The following RAPGEF5 variants were observed in gnomAD, a reference collection of about 807,000 sequenced individuals.
RAPGEF5 encodes the protein M-Ras-regulated GEF.
RAPGEF5 carries 65 observed loss-of-function variants against 125.2 expected under a neutral mutation model. The ratio of observed to expected loss-of-function variants is 0.52; its 90% CI spans 0.43 to 0.64. RAPGEF5 has a LOEUF of 0.64. Among genes scored for constraint, RAPGEF5 ranks in the 30% least tolerant of loss-of-function variants. The pLI is 0.00. For missense variants in RAPGEF5, 958 were observed against 1,048.1 expected (o/e 0.91, Z 1.19); for synonymous variants, 391 against 385.9 (o/e 1.01, Z -0.16).
intron 6 of RAPGEF5, among the ~76,000 whole-genome samples, chr7:22,275,715 A>AC (rs2128143599): frequency 7.2e-6 from 1 of 139,784 alleles, no homozygotes; most frequent in African/African-American, 2.9e-5. Context: ...TTTGGAGACC[A>AC]TGGGGGTTGT....
chr7:22,325,557 T>C (rs1056123069), intron 1 of RAPGEF5, among the ~76,000 whole-genome samples: 2 of 152,170 alleles, frequency 1.3e-5, no homozygotes, highest in Non-Finnish European at 2.9e-5. Flanking sequence ...TATGACTCTA[T>C]AAATTATAAA....
Position 22,345,574 on chromosome 7 carries a change from C to T in RAPGEF5, c.231+11256G>A, listed in dbSNP as rs74316103. Reference sequence around the variant, plus strand: ...AGTAAAATAAGAATGTATATGAAAGCGCTTTGTGAAGGTAAAGCATTATAT... The same window carrying T: ...AGTAAAATAAGAATGTATATGAAAGTGCTTTGTGAAGGTAAAGCATTATAT... On this transcript the variant is annotated intron_variant, in intron 1 of 25. Transcript: ENST00000665637. 2.3e-3 allele frequency among the ~76,000 whole-genome samples: 343 copies of T among 152,142 alleles called. 2 individuals are homozygous for T. Among genetic ancestry groups the T allele is most frequent in the African/African-American group, 7.8e-3 (324 of 41,484 alleles).
At chr7:22,348,613 T>G (rs1229757805) in intron 1 of RAPGEF5, among the ~76,000 whole-genome samples, 1 of 152,200 alleles carries the variant, frequency 6.6e-6, no homozygotes, top group African/African-American at 2.4e-5. Context: ...GTCCAATGGC[T>G]GGTATTGCTG....
chr7:22,143,237 T>G (rs1359725843), intron 20 of RAPGEF5, among the ~76,000 whole-genome samples: 1 of 152,162 alleles, frequency 6.6e-6, no homozygotes, highest in Non-Finnish European at 1.5e-5. Context: ...TCAATAAGAT[T>G]TAGGCAGATC....
chr7:22,124,050 C>A (rs550540832), intron 25 of RAPGEF5, among the ~76,000 whole-genome samples: 117 of 152,310 alleles, frequency 7.7e-4, no homozygotes, highest in African/African-American at 2.6e-3. Flanking sequence ...ATTAGAACAT[C>A]AACTGGCTTG....
chr7:22,151,554 T>C (rs1302528828), intron 17 of RAPGEF5, among the ~76,000 whole-genome samples: 3 of 148,034 alleles, frequency 2.0e-5, no homozygotes, highest in Non-Finnish European at 4.4e-5. Context: ...CTCTGCCTCC[T>C]CCTGGGTTCA....
At chr7:22,122,575 C>T in intron 25 of RAPGEF5, 54 bp from the exon 26 acceptor site, 1 of 1,336,346 alleles carries the variant, frequency 7.5e-7, no homozygotes, top group Non-Finnish European at 1.1e-6. Context: ...AATGCTGTAT[C>T]TACATACCAA....
intron 19 of RAPGEF5, 126 bp from the exon 20 acceptor site, chr7:22,145,348 ATGG>A: frequency 3.4e-6 from 3 of 874,678 alleles, no homozygotes; most frequent in Non-Finnish European, 5.0e-6. Context: ...AACAGAGAAC[ATGG>A]TGAATAGTAA....
chr7:22,253,128 G>T (rs1047727807), intron 7 of RAPGEF5, among the ~76,000 whole-genome samples: 2 of 152,204 alleles, frequency 1.3e-5, no homozygotes, highest in Admixed American at 6.5e-5. Context: ...GAAGGAGACA[G>T]ATTTTACAAA....
Position 22,288,722 on chromosome 7 carries a change from C to T in RAPGEF5, c.747+2453G>A, listed in dbSNP as rs541738171. Among the ~76,000 whole-genome samples, 13 of 152,172 alleles carry T rather than the reference C, an allele frequency of 8.5e-5. No individual in the cohort carries two copies. In the East Asian group the frequency reaches 2.5e-3, roughly 29 times the overall value. On this transcript the variant is annotated intron_variant, in intron 6 of 25. Coordinates refer to ENST00000665637, the MANE Select transcript of RAPGEF5 (RefSeq NM_012294.5). ...TATTTTTAGTAGAGATGGGGTTTCA[C>T]CGTGTTAGCCAGGATGGTCTCAATC...
chr7:22,271,158 A>G (rs1161058652), intron 6 of RAPGEF5, among the ~76,000 whole-genome samples: 3 of 152,204 alleles, frequency 2.0e-5, no homozygotes, highest in African/African-American at 4.8e-5. Flanking sequence ...ACTTGACTGC[A>G]CATTAGAATC....
At chr7:22,285,186 T>C (rs945457072) in intron 6 of RAPGEF5, among the ~76,000 whole-genome samples, 2 of 152,190 alleles carry the variant, frequency 1.3e-5, no homozygotes, top group Non-Finnish European at 2.9e-5. Flanking sequence ...GAGGGTATCC[T>C]ACCATATATT....
At chr7:22,228,779 C>T (rs965619067) in intron 8 of RAPGEF5, among the ~76,000 whole-genome samples, 1 of 151,496 alleles carries the variant, frequency 6.6e-6, no homozygotes, top group Non-Finnish European at 1.5e-5. Flanking sequence ...TCCCAAAGTG[C>T]TGGGATTACG....
At chr7:22,237,942 A>G (rs1357437111) in intron 7 of RAPGEF5, among the ~76,000 whole-genome samples, 2 of 152,232 alleles carry the variant, frequency 1.3e-5, no homozygotes, top group Non-Finnish European at 2.9e-5. Flanking sequence ...GGGGGTTAAC[A>G]TCATGAAAGG....
At position 22,291,246 on chromosome 7, in the gene RAPGEF5, A is replaced by G. The variant is rs1782929162; in HGVS notation, c.681-5T>C. On this transcript the variant is annotated splice_polypyrimidine_tract_variant and splice_region_variant and intron_variant, in intron 5 of 25. Transcript: ENST00000665637. Reference sequence around the variant, plus strand: ...TCTTCAATTTTCTGATGAGACCTAAAAAAAAAAAAAAGAACAAATTACTTT... The same window carrying G: ...TCTTCAATTTTCTGATGAGACCTAAGAAAAAAAAAAAGAACAAATTACTTT... 1.4e-6 allele frequency: 2 copies of G among 1,403,154 alleles called. No homozygotes were observed. Among genetic ancestry groups the G allele is most frequent in the East Asian group, 2.5e-5 (1 of 39,228 alleles). 86.9% of individuals were successfully genotyped at this position (1,403,154 alleles called of 1,614,324 possible). A position where few individuals can be genotyped will look rare whatever the true frequency, so the allele number is the denominator to read the frequency against.
Position 22,162,477 on chromosome 7 carries a change from CTT to C in RAPGEF5, c.1346_1347del (p.Lys449SerfsTer18). The C allele has an allele frequency of 6.2e-7, 1 of 1,605,382 alleles. No individual in the cohort carries two copies. Reference sequence around the variant, plus strand: ...ATCCACTGGGAAACAAGATGCAAGACTTTACGTTTCCTACGCGGAACGTCTGA... The same window carrying C: ...ATCCACTGGGAAACAAGATGCAAGACTACGTTTCCTACGCGGAACGTCTGA... ...ENSDVPRRKR[K>X]VLHLVSQWIA... On this transcript the variant is annotated frameshift_variant, in exon 13 of 26. Coordinates refer to ENST00000665637, the MANE Select transcript of RAPGEF5 (RefSeq NM_012294.5). LOFTEE classifies it high-confidence loss of function.
chr7:22,354,603 T>C (rs896676517), intron 1 of RAPGEF5, among the ~76,000 whole-genome samples: 2 of 152,102 alleles, frequency 1.3e-5, no homozygotes, highest in Non-Finnish European at 1.5e-5. Flanking sequence ...ACCCCAAACA[T>C]GACATTATTT....
chr7:22,322,328 G>A (rs1783730331), intron 1 of RAPGEF5, among the ~76,000 whole-genome samples: 1 of 149,042 alleles, frequency 6.7e-6, no homozygotes, highest in African/African-American at 2.5e-5. Flanking sequence ...TTTTTTTTTT[G>A]GAGAGACAGG....
Position 22,219,948 on chromosome 7 carries a change from C to T in RAPGEF5, c.914G>A (p.Arg305Gln), listed in dbSNP as rs768637186. 1.2e-5 allele frequency: 19 copies of T among 1,613,504 alleles called. No homozygotes were observed. Among genetic ancestry groups the T allele is most frequent in the East Asian group, 8.9e-5 (4 of 44,830 alleles). ...TGCCAGCTTCTGGACTAGTTCAATT[C>T]GTCCGATTTCATCTCTTTCCTGGAG... ...CKLQERDEIGRIELVQKLAKE... is the reference protein window; with the variant it reads ...CKLQERDEIGQIELVQKLAKE... The change falls in exon 9 of 26, where the codon CGA becomes CAA. Residue 305 changes from arginine (R) to glutamine (Q), a missense_variant. Arg to Gln is a conservative substitution (Grantham distance 43). Transcript: ENST00000665637.
Sources: allele counts gnomAD v4.1 joint callset (sites outside exome capture counted in the v4.1 genomes callset), GRCh38; gene constraint gnomAD v4.1.1; transcripts MANE v1.5; gene names NCBI Gene and HGNC (gene_info 2026-07-23, HGNC 2026-07-21).